Variants in SHC4 observed in about 807,000 individuals in gnomAD.
SHC4 encodes the protein SHC-transforming protein 4.
Under a neutral mutation model 69.4 loss-of-function variants are expected in SHC4, and 41 were observed. That is an observed-to-expected ratio of 0.59 (90% CI 0.46 to 0.77). SHC4 has a LOEUF of 0.77. Among genes scored for constraint, SHC4 ranks in the 30% least tolerant of loss-of-function variants. The pLI is 0.00. For synonymous variants in SHC4, 318 were observed against 299.3 expected (o/e 1.06, Z -0.64); for missense variants, 777 against 783.8 (o/e 0.99, Z 0.10).
intron 3 of SHC4, among the ~76,000 whole-genome samples, chr15:48,888,671 A>G (rs1900080908): frequency 6.6e-6 from 1 of 152,108 alleles, no homozygotes; most frequent in African/African-American, 2.4e-5. Context: ...AGATGGGCAG[A>G]TCACTTGAGG....
chr15:48,892,609 C>T (rs529426897), intron 2 of SHC4, among the ~76,000 whole-genome samples: 4 of 152,154 alleles, frequency 2.6e-5, no homozygotes, highest in African/African-American at 9.6e-5. Flanking sequence ...CTAGTCCAGG[C>T]ACCCCACTCT....
Position 48,924,947 on chromosome 15 carries a change from G to A in SHC4, c.588C>T (p.Tyr196=), listed in dbSNP as rs773988675. ...LGMGMNYCVR[Y]MGCVEVLQSM... ...ATTGCAGCACTTCAACACAGCCCAT[G>A]TACTACAATAAGAAGAAAAAAAAGA... The change falls in exon 2 of 12, where the codon TAC becomes TAT. Residue 196 remains tyrosine, a splice_region_variant and synonymous_variant. Transcript: ENST00000332408. 3.1e-6 allele frequency: 5 copies of A among 1,613,928 alleles called. No individual in the cohort carries two copies. The South Asian group carries it at 5.5e-5, about 18-fold the overall frequency.
rs150204550 is a variant in SHC4, at chr15:48,847,692, G to A, written c.1303+3496C>T. Reference sequence around the variant, plus strand: ...AAATTGCTCATTGGTCAAGAATTTCGGATTACTTTAAAAACATATGCCCAA... The same window carrying A: ...AAATTGCTCATTGGTCAAGAATTTCAGATTACTTTAAAAACATATGCCCAA... On this transcript the variant is annotated intron_variant, in intron 9 of 11. Coordinates refer to ENST00000332408, the MANE Select transcript of SHC4 (RefSeq NM_203349.4). 1.4e-4 allele frequency among the ~76,000 whole-genome samples: 22 copies of A among 152,178 alleles called. No individual in the cohort carries two copies. The East Asian group carries it at 3.1e-3, about 21-fold the overall frequency.
intron 3 of SHC4, among the ~76,000 whole-genome samples, chr15:48,889,391 T>C (rs571126726): frequency 6.6e-6 from 1 of 152,310 alleles, no homozygotes; most frequent in Non-Finnish European, 1.5e-5. Context: ...TGGGGCAGAA[T>C]GGTATAGAAA....
chr15:48,903,553 A>C (rs558904791), intron 2 of SHC4, among the ~76,000 whole-genome samples: 1 of 152,320 alleles, frequency 6.6e-6, no homozygotes, highest in Admixed American at 6.5e-5. Context: ...CACCTGCTCA[A>C]AAATAAGGAG....
chr15:48,833,652 C>A (rs1898848279), intron 11 of SHC4, among the ~76,000 whole-genome samples: 1 of 152,160 alleles, frequency 6.6e-6, no homozygotes, highest in African/African-American at 2.4e-5. Context: ...GTACCATGAG[C>A]ACTCCATGTG....
At chr15:48,828,382 A>G (rs1193580065) in intron 11 of SHC4, among the ~76,000 whole-genome samples, 1 of 152,082 alleles carries the variant, frequency 6.6e-6, no homozygotes, top group Non-Finnish European at 1.5e-5. Context: ...GGATATTATC[A>G]TATTTCCTTT....
At chr15:48,952,759 A>C (rs1372006840) in intron 1 of SHC4, among the ~76,000 whole-genome samples, 2 of 152,208 alleles carry the variant, frequency 1.3e-5, no homozygotes, top group African/African-American at 2.4e-5. Flanking sequence ...TTAAAATGTC[A>C]AAAAATAACA....
intron 4 of SHC4, among the ~76,000 whole-genome samples, chr15:48,880,399 GTAAT>G (rs763568810): frequency 6.6e-5 from 10 of 152,178 alleles, no homozygotes; most frequent in Non-Finnish European, 1.0e-4. Context: ...GTGTGGATAG[GTAAT>G]TAATTGCATG....
chr15:48,883,595 C>A (rs1012057095), intron 4 of SHC4, among the ~76,000 whole-genome samples: 2 of 152,114 alleles, frequency 1.3e-5, no homozygotes, highest in Admixed American at 1.3e-4. Flanking sequence ...TAAAAGCAAG[C>A]CAAACAAAAT....
At chr15:48,930,418 C>T (rs549596751) in intron 1 of SHC4, among the ~76,000 whole-genome samples, 13 of 152,200 alleles carry the variant, frequency 8.5e-5, no homozygotes, top group African/African-American at 3.1e-4. Context: ...TGCATCTTGG[C>T]TAGGAGTATG....
intron 11 of SHC4, among the ~76,000 whole-genome samples, chr15:48,830,598 A>C (rs142634955): frequency 2.6e-4 from 40 of 152,352 alleles, no homozygotes; most frequent in Non-Finnish European, 4.9e-4. Context: ...AAGTGCAGGC[A>C]AAGAAAAAGA....
intron 1 of SHC4, among the ~76,000 whole-genome samples, chr15:48,945,039 C>T (rs1175425452): frequency 2.6e-5 from 4 of 152,100 alleles, no homozygotes; most frequent in Admixed American, 2.6e-4. Flanking sequence ...GGAGAGCAAC[C>T]CAGTCTTTCA....
At chr15:48,898,451 C>T (rs1421024796) in intron 2 of SHC4, among the ~76,000 whole-genome samples, 1 of 152,176 alleles carries the variant, frequency 6.6e-6, no homozygotes, top group Non-Finnish European at 1.5e-5. Flanking sequence ...CAAATAAAAC[C>T]TTTGAGTACT....
chr15:48,837,075 T>A (rs1240431524), intron 10 of SHC4, among the ~76,000 whole-genome samples: 2 of 152,208 alleles, frequency 1.3e-5, no homozygotes, highest in Non-Finnish European at 2.9e-5. Flanking sequence ...GAGGAATGCA[T>A]GCACGCAGTG....
intron 3 of SHC4, among the ~76,000 whole-genome samples, chr15:48,886,957 G>A (rs1241755268): frequency 2.0e-5 from 3 of 152,140 alleles, no homozygotes; most frequent in Non-Finnish European, 2.9e-5. Context: ...TTTTACAAAC[G>A]AGAAAAGTAT....
chr15:48,932,025 G>A (rs1900975695), intron 1 of SHC4, among the ~76,000 whole-genome samples: 1 of 152,080 alleles, frequency 6.6e-6, no homozygotes, highest in African/African-American at 2.4e-5. Flanking sequence ...GGATGATCCA[G>A]TGTATTCTTT....
intron 2 of SHC4, among the ~76,000 whole-genome samples, chr15:48,906,764 C>T (rs1900412625): frequency 6.6e-6 from 1 of 152,166 alleles, no homozygotes; most frequent in South Asian, 2.1e-4. Context: ...GCCCCAATAT[C>T]CTTTCAAGGA....
At chr15:48,849,624 A>T (rs1899168286) in intron 9 of SHC4, among the ~76,000 whole-genome samples, 1 of 152,186 alleles carries the variant, frequency 6.6e-6, no homozygotes, top group Non-Finnish European at 1.5e-5. Context: ...AGGTATTTCC[A>T]AGTGAGCTTC....
Sources: gnomAD v4.1 joint callset for allele counts (sites outside exome capture counted in the v4.1 genomes callset) on GRCh38, gnomAD v4.1.1 for gene constraint, MANE v1.5 for transcripts, NCBI Gene and HGNC (gene_info 2026-07-23, HGNC 2026-07-21) for gene names.